P2RX4: variants seen among roughly 807,000 people sequenced by gnomAD.
P2RX4 encodes P2X purinoceptor 4.
In P2RX4, 37 loss-of-function variants were observed where a neutral mutation model predicts 48.0. The ratio of observed to expected loss-of-function variants is 0.77; its 90% CI spans 0.59 to 1.01. The LOEUF is 1.01. P2RX4 is among the 50% of genes least tolerant of loss of function. P2RX4 has a pLI of 0.00. For missense variants in P2RX4, 501 were observed against 521.4 expected, an observed-to-expected ratio of 0.96 and a Z score of 0.38; for synonymous variants, 200 against 199.7, an observed-to-expected ratio of 1.00 and a Z score of -0.01.
intron 2 of P2RX4, among the ~76,000 whole-genome samples, chr12:121,220,849 G>C (rs183055544): frequency 1.3e-5 from 2 of 152,196 alleles, no homozygotes; most frequent in Admixed American, 1.3e-4. Flanking sequence ...CTATGGACTT[G>C]ACTGTTCTGG....
chr12:121,213,009 C>G (rs1262200178), intron 1 of P2RX4: 1 of 151,038 alleles, frequency 6.6e-6, no homozygotes, highest in Non-Finnish European at 1.5e-5. Flanking sequence ...CGGAAAATAT[C>G]CATAGTGGTG....
chr12:121,213,344 C>G (rs893706695), intron 1 of P2RX4: 1 of 152,132 alleles, frequency 6.6e-6, no homozygotes, highest in Admixed American at 6.5e-5. Context: ...AGAAGGACTG[C>G]TTGAACCTGG....
In P2RX4 at chr12:121,217,354, G is replaced by A. The variant is rs978538034; in HGVS notation, c.282+73G>A. On this transcript the variant is annotated intron_variant, in intron 2 of 11. Transcript: ENST00000337233. ...TACTGACTTTGCACACTTGATTAAT[G>A]ATTGACGTGGCCTGAGTCCTGACAT... 6 of 1,488,788 alleles carry A rather than the reference G, an allele frequency of 4.0e-6. No individual in the cohort carries two copies. In the African/African-American group the frequency reaches 6.9e-5, roughly 17 times the overall value. The allele number at this position is 1,488,788 out of a possible 1,614,324, so 92.2% of individuals were successfully genotyped here.
rs1886781138 is a variant in P2RX4 at position 121,223,504 on chromosome 12, G to A, written c.524+461G>A. ...TCTGGTGTCTGTATGAAGTCAGGCT[G>A]CCCTAGGATGGCTGCTCTCAACCAC... On this transcript the variant is annotated intron_variant, in intron 5 of 11. Coordinates refer to ENST00000337233, the MANE Select transcript of P2RX4 (RefSeq NM_002560.3). The A allele has an allele frequency of 1.7e-5, 3 of 176,128 alleles. No individual in the cohort carries two copies. In the South Asian group the frequency reaches 3.9e-4, roughly 23 times the overall value. 10.9% of individuals were successfully genotyped at this position (176,128 alleles called of 1,614,324 possible).
intron 5 of P2RX4, among the ~76,000 whole-genome samples, chr12:121,228,078 G>A (rs994283548): frequency 2.6e-5 from 4 of 151,982 alleles, no homozygotes; most frequent in Non-Finnish European, 5.9e-5. Flanking sequence ...CTGGGCAACA[G>A]AGCAAGACCC....
intron 5 of P2RX4, among the ~76,000 whole-genome samples, chr12:121,226,900 G>A (rs1279663179): frequency 6.6e-6 from 1 of 151,920 alleles, no homozygotes; most frequent in Non-Finnish European, 1.5e-5. Context: ...ATCATCTGAG[G>A]TCAGGAGTTT....
At chr12:121,219,468 C>T (rs555188249) in intron 2 of P2RX4, among the ~76,000 whole-genome samples, 6 of 151,936 alleles carry the variant, frequency 3.9e-5, no homozygotes, top group South Asian at 2.1e-4. Flanking sequence ...CAGTGGCTTA[C>T]GCCTGTAGTC....
At position 121,222,132 on chromosome 12, in the gene P2RX4, C is replaced by A; in HGVS notation, c.393C>A (p.Ser131Arg). 1 of 1,611,316 alleles carries A rather than the reference C, an allele frequency of 6.2e-7. No homozygotes were observed. The highest frequency in any genetic ancestry group is 1.7e-4 in the Middle Eastern group (1 of 6,054). ...DATTVCKSDASCTAGSAGTHS... is the reference protein window; with the variant it reads ...DATTVCKSDARCTAGSAGTHS... ...CCACTGTGTGTAAATCAGATGCCAG[C>A]TGTACTGCCGGCTCTGCCGGCACCC... The change falls in exon 4 of 12, where the codon AGC (serine) becomes AGA (arginine). Residue 131 changes from serine (S) to arginine (R), a missense_variant. Coordinates refer to ENST00000337233, the MANE Select transcript of P2RX4 (RefSeq NM_002560.3).
intron 11 of P2RX4, 193 bp from the exon 12 acceptor site, chr12:121,233,330 T>A (rs11610621): frequency 0.12 from 78,777 of 655,166 alleles, 5,545 homozygotes; most frequent in Non-Finnish European, 0.14. Context: ...AGGTTGGTGA[T>A]GATAATGCAT....
intron 5 of P2RX4, 72 bp from the exon 6 acceptor site, chr12:121,228,455 GTATATA>G (rs373631347): frequency 7.6e-6 from 5 of 659,778 alleles, no homozygotes; most frequent in Non-Finnish European, 1.3e-5. Flanking sequence ...ATATATGTGT[GTATATA>G]TATATATATA....
At position 121,210,151 on chromosome 12, in the gene P2RX4, C is replaced by A; in HGVS notation, c.-14C>A. On this transcript the variant is annotated 5_prime_UTR_variant, in exon 1 of 12. Coordinates refer to ENST00000337233, the MANE Select transcript of P2RX4 (RefSeq NM_002560.3). ...CCCAGACCGACTAGGGGACTGGGAGCGGGCGGCGCGGCCATGGCGGGCTGC... is the reference window on the plus strand; with the variant it reads ...CCCAGACCGACTAGGGGACTGGGAGAGGGCGGCGCGGCCATGGCGGGCTGC... 1 of 1,518,632 alleles carries A rather than the reference C, an allele frequency of 6.6e-7. No homozygotes were observed. 94.1% of individuals were successfully genotyped at this position (1,518,632 alleles called of 1,614,324 possible).
At position 121,229,203 on chromosome 12, in the gene P2RX4, A is replaced by G; in HGVS notation, c.884+104A>G. The G allele has an allele frequency of 1.0e-5, 14 of 1,393,416 alleles. No individual in the cohort carries two copies. In the South Asian group the frequency reaches 1.4e-4, roughly 14 times the overall value. 86.3% of individuals were successfully genotyped at this position (1,393,416 alleles called of 1,614,324 possible). On this transcript the variant is annotated intron_variant, in intron 8 of 11. Transcript: ENST00000337233. The surrounding 1 kb of genome is among the most constrained non-coding windows in gnomAD (Gnocchi z 4.6). Reference sequence around the variant, plus strand: ...AAGACCAGCACTCAGGCAGCACCCCAAGGGCAGGCTGCCGGTCCCCCGTCC... The same window carrying G: ...AAGACCAGCACTCAGGCAGCACCCCGAGGGCAGGCTGCCGGTCCCCCGTCC...
intron 3 of P2RX4, 25 bp from the exon 4 acceptor site, chr12:121,222,069 T>C (rs778181642): frequency 4.3e-6 from 7 of 1,611,136 alleles, no homozygotes; most frequent in Non-Finnish European, 5.1e-6. Flanking sequence ...CACGTGGACT[T>C]TCTTTTCGCT....
intron 1 of P2RX4, chr12:121,215,421 A>G (rs1314748765): frequency 6.7e-6 from 1 of 150,354 alleles, no homozygotes; most frequent in African/African-American, 2.5e-5. Context: ...CCTAACCCCT[A>G]TAAGCTAATG....
At chr12:121,224,205 G>T (rs1327749798) in intron 5 of P2RX4, among the ~76,000 whole-genome samples, 1 of 152,212 alleles carries the variant, frequency 6.6e-6, no homozygotes, top group Non-Finnish European at 1.5e-5. Context: ...AAGCATTGGG[G>T]AGATATGGCT....
chr12:121,210,328 C>G (rs1298973345), intron 1 of P2RX4, 30 bp downstream of exon 1: 1 of 1,486,128 alleles, frequency 6.7e-7, no homozygotes, highest in South Asian at 1.3e-5. Context: ...GGGGGCGCGG[C>G]GGGTGCTGCC....
chr12:121,211,224 C>A (rs1270844691), intron 1 of P2RX4, among the ~76,000 whole-genome samples: 2 of 152,054 alleles, frequency 1.3e-5, no homozygotes, highest in Admixed American at 1.3e-4. Flanking sequence ...TTTTTTGAGA[C>A]GGAATTTCTC....
chr12:121,219,828 TTAGATAGATAGA>T (rs3838806), intron 2 of P2RX4, among the ~76,000 whole-genome samples: 26,974 of 150,238 alleles, frequency 0.18, 2,835 homozygotes, highest in African/African-American at 0.27. Context: ...ATAGGATAGA[TTAGATAGATAGA>T]TAGATAGATA....
rs367935750 is a variant in P2RX4, at chr12:121,231,160, T to G, written c.885-1254T>G. ...CCGCCACCACACCCAGCTAATTTTT[T>G]GTATTTTTATTAGAGACGGGGTTTC... is the stretch of plus-strand genomic sequence containing the variant. On this transcript the variant is annotated intron_variant, in intron 8 of 11. Transcript: ENST00000337233. 1.1e-4 allele frequency among the ~76,000 whole-genome samples: 16 copies of G among 151,942 alleles called. 1 individual carries two copies. The highest frequency in any genetic ancestry group is 7.7e-4 in the East Asian group (4 of 5,164).
Sources: gnomAD v4.1 joint callset for allele counts (sites outside exome capture counted in the v4.1 genomes callset) on GRCh38, gnomAD v4.1.1 for gene constraint, Gnocchi (gnomAD v3.1) non-coding constraint, MANE v1.5 for transcripts, NCBI Gene and HGNC (gene_info 2026-07-23, HGNC 2026-07-21) for gene names.